The following CDYL variants were observed in gnomAD, a reference collection of about 807,000 sequenced individuals.
CDYL encodes chromodomain Y-like protein.
In CDYL, 8 loss-of-function variants were observed where a neutral mutation model predicts 47.3. That is an observed-to-expected ratio of 0.17 (90% CI 0.10 to 0.31). The LOEUF is 0.31. Among genes scored for constraint, CDYL ranks in the 10% least tolerant of loss-of-function variants. CDYL has a pLI of 1.00. For missense variants in CDYL, 471 were observed against 701.4 expected (o/e 0.67, Z 3.71); for synonymous variants, 266 against 265.0 (o/e 1.00, Z -0.04).
At chr6:4,835,420 G>T (rs142799821) in intron 1 of CDYL, among the ~76,000 whole-genome samples, 2 of 152,184 alleles carry the variant, frequency 1.3e-5, no homozygotes, top group Non-Finnish European at 2.9e-5. Flanking sequence ...CTGTCTGATC[G>T]TTCCCCTGGA....
At chr6:4,823,498 C>T (rs74462847) in intron 1 of CDYL, among the ~76,000 whole-genome samples, 1,540 of 152,312 alleles carry the variant, frequency 0.01, 37 homozygotes, top group African/African-American at 0.035. Flanking sequence ...TAACATTTGC[C>T]ATTATAACAA....
At chr6:4,751,633 C>T (rs1272589866) in intron 3 of CDYL, among the ~76,000 whole-genome samples, 2 of 152,216 alleles carry the variant, frequency 1.3e-5, no homozygotes, top group African/African-American at 4.8e-5. Context: ...TCCCATAATA[C>T]ATCCCCCATT....
intron 1 of CDYL, among the ~76,000 whole-genome samples, chr6:4,890,310 G>A (rs1762007591): frequency 6.6e-6 from 1 of 152,124 alleles, no homozygotes. Context: ...ATTCACAAGT[G>A]AAGGAGCAAG....
At chr6:4,736,461 C>A (rs1477161983) in intron 3 of CDYL, among the ~76,000 whole-genome samples, 1 of 152,152 alleles carries the variant, frequency 6.6e-6, no homozygotes, top group Non-Finnish European at 1.5e-5. Context: ...CAAGGACAGA[C>A]AAAGAACCCT....
At chr6:4,871,791 C>G (rs907890566) in intron 1 of CDYL, among the ~76,000 whole-genome samples, 14 of 152,178 alleles carry the variant, frequency 9.2e-5, no homozygotes, top group Admixed American at 3.9e-4. Context: ...GCTAAGTACC[C>G]CTAGTCTGTC....
intron 1 of CDYL, among the ~76,000 whole-genome samples, chr6:4,824,731 A>G (rs1759930580): frequency 6.6e-6 from 1 of 150,674 alleles, no homozygotes; most frequent in Non-Finnish European, 1.5e-5. Context: ...CAGTTTACCT[A>G]TTTTTTTTTC....
At chr6:4,759,078 C>T (rs1210872355) in intron 3 of CDYL, among the ~76,000 whole-genome samples, 4 of 151,320 alleles carry the variant, frequency 2.6e-5, no homozygotes, top group Non-Finnish European at 5.9e-5. Context: ...ACGCCATTCT[C>T]CTGCCTCAGC....
rs368559773 is a variant in CDYL, at chr6:4,903,768, C to T, written c.691+11389C>T. Among the ~76,000 whole-genome samples, 31 of 152,310 alleles carry T rather than the reference C, an allele frequency of 2.0e-4. 1 individual carries two copies. The South Asian group carries it at 3.9e-3, about 19-fold the overall frequency. On this transcript the variant is annotated intron_variant, in intron 2 of 6. Transcript: ENST00000397588. ...CAGTTGCTGGCTCCTGAGTATCTTC[C>T]GTGGCTTCTGAGTTCCTGAAACACA...
At chr6:4,712,718 T>G (rs979148410) in intron 1 of CDYL, among the ~76,000 whole-genome samples, 1 of 152,188 alleles carries the variant, frequency 6.6e-6, no homozygotes, top group Non-Finnish European at 1.5e-5. Flanking sequence ...TTTCAGAGCT[T>G]TAAATGGCTC....
At chr6:4,769,866 G>A (rs1758309914) in intron 3 of CDYL, among the ~76,000 whole-genome samples, 1 of 151,974 alleles carries the variant, frequency 6.6e-6, no homozygotes, top group African/African-American at 2.4e-5. Context: ...GCGCGATCTC[G>A]GCTCACTGCA....
At chr6:4,738,618 G>A (rs1371366191) in intron 3 of CDYL, among the ~76,000 whole-genome samples, 2 of 152,188 alleles carry the variant, frequency 1.3e-5, no homozygotes, top group Non-Finnish European at 2.9e-5. Flanking sequence ...TGGAGAAAAA[G>A]TTGGCATTAT....
At chr6:4,916,266 T>C (rs1274091365) in intron 2 of CDYL, among the ~76,000 whole-genome samples, 2 of 152,238 alleles carry the variant, frequency 1.3e-5, no homozygotes, top group Non-Finnish European at 2.9e-5. Context: ...AATGATTAAC[T>C]TGATTGCTTT....
chr6:4,711,184 G>T (rs1342568287), intron 1 of CDYL, among the ~76,000 whole-genome samples: 11 of 152,090 alleles, frequency 7.2e-5, no homozygotes, highest in Non-Finnish European at 1.3e-4. Context: ...AAGATTCTGT[G>T]GCCATGACCC....
At chr6:4,873,408 T>C (rs1761529554) in intron 1 of CDYL, among the ~76,000 whole-genome samples, 4 of 152,084 alleles carry the variant, frequency 2.6e-5, no homozygotes, top group South Asian at 4.1e-4. Flanking sequence ...CCCAATCTCA[T>C]ATTGGGGAGG....
At chr6:4,767,183 C>T (rs1489492385) in intron 3 of CDYL, among the ~76,000 whole-genome samples, 1 of 151,572 alleles carries the variant, frequency 6.6e-6, no homozygotes, top group Non-Finnish European at 1.5e-5. Context: ...ATAAATATGT[C>T]AATGCATTTA....
In CDYL at chr6:4,935,590, C is replaced by A; in HGVS notation, c.767C>A (p.Ala256Asp). 6.2e-7 allele frequency: 1 copy of A among 1,614,126 alleles called. No homozygotes were observed. The highest frequency in any genetic ancestry group is 8.5e-7 in the Non-Finnish European group (1 of 1,180,034). ...CAGACATCTGTTACAGGAGTGACTG[C>A]CAGCAAAAGGAAATTTATTGACGAC... is the stretch of plus-strand genomic sequence containing the variant. ...NIQTSVTGVTASKRKFIDDRR... is the reference protein window; with the variant it reads ...NIQTSVTGVTDSKRKFIDDRR... The change falls in exon 3 of 7, where the codon GCC (alanine) becomes GAC (aspartate). Residue 256 changes from alanine (A) to aspartate (D), a missense_variant. Ala to Asp is a moderately radical substitution (Grantham distance 126). Transcript: ENST00000397588.
Position 4,907,923 on chromosome 6 carries a change from T to TAC in CDYL, c.691+15545_691+15546insCA, listed in dbSNP as rs1757289302. On this transcript the variant is annotated intron_variant, in intron 2 of 6. Transcript: ENST00000397588. ...TTCAGCATGTCCTAAACGTCTCTGT[T>TAC]AGACAGAACCATCAGTTCCACAGTT... Among the ~76,000 whole-genome samples, 6 of 152,208 alleles carry TAC rather than the reference T, an allele frequency of 3.9e-5. No homozygotes were observed. The South Asian group carries it at 1.2e-3, about 32-fold the overall frequency.
At chr6:4,895,057 A>C (rs957371524) in intron 2 of CDYL, among the ~76,000 whole-genome samples, 3 of 133,562 alleles carry the variant, frequency 2.2e-5, no homozygotes, top group Non-Finnish European at 5.0e-5. Context: ...ACACATGTAC[A>C]TATGGGTATA....
At chr6:4,756,353 G>T (rs1302481288) in intron 3 of CDYL, among the ~76,000 whole-genome samples, 2 of 152,006 alleles carry the variant, frequency 1.3e-5, no homozygotes, top group Non-Finnish European at 2.9e-5. Flanking sequence ...CTTGGAATAG[G>T]CATTTTACTT....
Sources: gnomAD v4.1 joint callset for allele counts (sites outside exome capture counted in the v4.1 genomes callset) on GRCh38, gnomAD v4.1.1 for gene constraint, MANE v1.5 for transcripts, NCBI Gene and HGNC (gene_info 2026-07-23, HGNC 2026-07-21) for gene names.